The following BCAM variants were observed in gnomAD, a reference collection of about 807,000 sequenced individuals.
BCAM encodes the protein basal cell adhesion molecule (Lutheran blood group).
Under a neutral mutation model 72.4 loss-of-function variants are expected in BCAM, and 61 were observed. That is an observed-to-expected ratio of 0.84 (90% CI 0.69 to 1.04). The LOEUF (loss-of-function observed/expected upper bound fraction) is 1.04. Among genes scored for constraint, BCAM ranks in the 50% least tolerant of loss-of-function variants. The probability of loss-of-function intolerance (pLI) is 0.00; values close to 1 mark genes in which losing one functional copy is unlikely to be tolerated. For synonymous variants in BCAM, 408 were observed against 384.2 expected (o/e 1.06, Z -0.73); for missense variants, 909 against 895.0 (o/e 1.02, Z -0.20).
Position 44,809,492 on chromosome 19 carries a change from G to C in BCAM, c.82+286G>C, listed in dbSNP as rs960483. ...TGGGTCCCACCTGCCTCCTCCCTCA[G>C]ACCCTGGAATCTGGGCCCCCAGCCC... On this transcript the variant is annotated intron_variant, in intron 1 of 14. Coordinates refer to ENST00000270233, the MANE Select transcript of BCAM (RefSeq NM_005581.5). 8.0e-3 allele frequency among the ~76,000 whole-genome samples: 1,218 copies of C among 152,136 alleles called. 4 individuals are homozygous for C. The highest frequency in any genetic ancestry group is 0.014 in the Non-Finnish European group (947 of 67,970).
rs748007401 is a variant in BCAM at position 44,812,005 on chromosome 19, G to T, written c.205-158G>T. 4.3e-6 allele frequency: 3 copies of T among 695,504 alleles called. No individual in the cohort carries two copies. The highest frequency in any genetic ancestry group is 7.3e-6 in the Non-Finnish European group (3 of 411,836). The allele number at this position is 695,504 out of a possible 1,614,324, so 43.1% of individuals were successfully genotyped here. A position where few individuals can be genotyped will look rare whatever the true frequency, so the allele number is the denominator to read the frequency against. Reference sequence around the variant, plus strand: ...GAAAAATCAAGAACTGATAGGGAATGGGGGCAGGAGAAGGTGGGGAGGGAC... The same window carrying T: ...GAAAAATCAAGAACTGATAGGGAATTGGGGCAGGAGAAGGTGGGGAGGGAC... On this transcript the variant is annotated intron_variant, in intron 2 of 14. Transcript: ENST00000270233. The surrounding 1 kb of genome is among the most constrained non-coding windows in gnomAD (Gnocchi z 5.3).
chr19:44,821,006 C>CCTTCCCT lies in BCAM; in HGVS notation c.*102_*108dup, dbSNP rs573959550. The CCTTCCCT allele has an allele frequency of 1.3e-5, 19 of 1,427,410 alleles. No homozygotes were observed. The highest frequency in any genetic ancestry group is 2.7e-5 in the Admixed American group (1 of 37,048). The allele number at this position is 1,427,410 out of a possible 1,614,324, so 88.4% of individuals were successfully genotyped here. On this transcript the variant is annotated 3_prime_UTR_variant, in exon 15 of 15. Transcript: ENST00000270233. ...CCTGCTCACGCCATGCCCGCCCCCG[C>CCTTCCCT]CTTCCCTCTTCCCTCTTCCCTCTCC...
Position 44,813,726 on chromosome 19 carries a change from ACTTCATGCT to A in BCAM, c.784+107_784+115del. The A allele has an allele frequency of 7.1e-7, 1 of 1,417,318 alleles. No individual in the cohort carries two copies. The highest frequency in any genetic ancestry group is 9.4e-7 in the Non-Finnish European group (1 of 1,059,672). The allele number at this position is 1,417,318 out of a possible 1,614,324, so 87.8% of individuals were successfully genotyped here. A position where few individuals can be genotyped will look rare whatever the true frequency, so the allele number is the denominator to read the frequency against. Reference sequence around the variant, plus strand: ...CTCCCCTCTGACCCTCTGCCTCCCTACTTCATGCTAAAAAAAAATGTGCTAGTGCTGGCC... The same window carrying A: ...CTCCCCTCTGACCCTCTGCCTCCCTAAAAAAAAAATGTGCTAGTGCTGGCC... On this transcript the variant is annotated intron_variant, in intron 6 of 14. Transcript: ENST00000270233. This position sits in a 1 kb window ranked among gnomAD's most constrained non-coding sequence, Gnocchi z 4.2.
intron 1 of BCAM, among the ~76,000 whole-genome samples, chr19:44,810,232 C>T (rs1968399217): frequency 6.6e-6 from 1 of 152,148 alleles, no homozygotes; most frequent in Non-Finnish European, 1.5e-5. Context: ...GCCTCCTCTT[C>T]CCTCTGATCC....
In BCAM at chr19:44,812,483, C is replaced by T. The variant is rs546628999; in HGVS notation, c.439C>T (p.Pro147Ser). 10 of 1,614,216 alleles carry T rather than the reference C, an allele frequency of 6.2e-6. No individual in the cohort carries two copies. In the South Asian group the frequency reaches 7.7e-5, roughly 12 times the overall value. Residue 147 changes from proline to serine, a missense_variant, in exon 4 of 15, where the codon CCA becomes TCA. Coordinates refer to ENST00000270233, the MANE Select transcript of BCAM (RefSeq NM_005581.5). This position sits in a 1 kb window ranked among gnomAD's most constrained non-coding sequence, Gnocchi z 5.3. The part of the protein sequence containing the change: ...ATARLNVFAK[P>S]EATEVSPNKG... The stretch of plus-strand genomic sequence containing the variant: ...CGTGAACGTCTTTTTCACAGCAAAG[C>T]CAGAGGCCACTGAGGTCTCCCCCAA...
At position 44,811,361 on chromosome 19, in the gene BCAM, C is replaced by A. The variant is rs143873374; in HGVS notation, c.204+15C>A. 107 of 1,611,546 alleles carry A rather than the reference C, an allele frequency of 6.6e-5. No individual in the cohort carries two copies. In the African/African-American group the frequency reaches 1.3e-3, roughly 20 times the overall value. ...AATGGTTCCTTGTGAGTGCTTGGGG[C>A]TGGGGGGCCTGGAGTCAGGGCACAG... On this transcript the variant is annotated intron_variant, in intron 2 of 14. Transcript: ENST00000270233.
At position 44,813,456 on chromosome 19, in the gene BCAM, G is replaced by C; in HGVS notation, c.620G>C (p.Arg207Pro). 1 of 1,611,032 alleles carries C rather than the reference G, an allele frequency of 6.2e-7. No individual in the cohort carries two copies. Among genetic ancestry groups the C allele is most frequent in the Non-Finnish European group, 8.5e-7 (1 of 1,179,534 alleles). Residue 207 changes from arginine to proline, a missense_variant, in exon 6 of 15, where the codon CGC (arginine) becomes CCC (proline). By Grantham distance (103) the Arg-to-Pro change is moderately radical. Transcript: ENST00000270233. This position sits in a 1 kb window ranked among gnomAD's most constrained non-coding sequence, Gnocchi z 4.2. Reference sequence around the variant, plus strand: ...CTCCCAGAGGGCTACATGACCAGCCGCACGGTCCGGGAGGCCTCGGGCCTG... The same window carrying C: ...CTCCCAGAGGGCTACATGACCAGCCCCACGGTCCGGGAGGCCTCGGGCCTG... ...EMNPEGYMTS[R>P]TVREASGLLS...
rs1431546782 is a variant in BCAM at position 44,813,798 on chromosome 19, C to T, written c.784+178C>T. 9 of 944,448 alleles carry T rather than the reference C, an allele frequency of 9.5e-6. No individual in the cohort carries two copies. Among genetic ancestry groups the T allele is most frequent in the Non-Finnish European group, 1.2e-5 (8 of 650,952 alleles). The allele number at this position is 944,448 out of a possible 1,614,324, so 58.5% of individuals were successfully genotyped here. On this transcript the variant is annotated intron_variant, in intron 6 of 14. Coordinates refer to ENST00000270233, the MANE Select transcript of BCAM (RefSeq NM_005581.5). This position sits in a 1 kb window ranked among gnomAD's most constrained non-coding sequence, Gnocchi z 4.2. ...CCTCAATTGGTCGCACAAGCCCCAT[C>T]CTGACCTCTGACCTCCGACCTCCAC...
At position 44,819,208 on chromosome 19, in the gene BCAM, C is replaced by T. The variant is rs754754353; in HGVS notation, c.1473+16C>T. ...GGGGGGCAGCGTAAGGGACCTTCCT[C>T]TCCACCCTGAGCCCCCTCTCACTCA... On this transcript the variant is annotated intron_variant, in intron 11 of 14. Coordinates refer to ENST00000270233, the MANE Select transcript of BCAM (RefSeq NM_005581.5). The T allele has an allele frequency of 9.9e-6, 16 of 1,613,732 alleles. No homozygotes were observed. In the South Asian group the frequency reaches 1.8e-4, roughly 18 times the overall value.
Position 44,813,166 on chromosome 19 carries a change from C to A in BCAM, c.505-84C>A, listed in dbSNP as rs372019933. 1.8e-3 allele frequency: 2,690 copies of A among 1,469,152 alleles called. 2 individuals are homozygous for A. The highest frequency in any genetic ancestry group is 2.4e-3 in the Non-Finnish European group (2,562 of 1,067,280). The allele number at this position is 1,469,152 out of a possible 1,614,324, so 91.0% of individuals were successfully genotyped here. A position where few individuals can be genotyped will look rare whatever the true frequency, so the allele number is the denominator to read the frequency against. Reference sequence around the variant, plus strand: ...GGAGTTAGGAGCCCGGCTCATGAGTCTGAGTGGGGAGAACTCCTGAGAGAG... The same window carrying A: ...GGAGTTAGGAGCCCGGCTCATGAGTATGAGTGGGGAGAACTCCTGAGAGAG... On this transcript the variant is annotated intron_variant, in intron 4 of 14. Transcript: ENST00000270233. The surrounding 1 kb of genome is among the most constrained non-coding windows in gnomAD (Gnocchi z 4.2).
At chr19:44,811,392 C>A in intron 2 of BCAM, 46 bp downstream of exon 2, 2 of 1,609,512 alleles carry the variant, frequency 1.2e-6, no homozygotes, top group Non-Finnish European at 1.7e-6. Flanking sequence ...CACAGCAGGG[C>A]AGCAAAGGTT....
At chr19:44,819,304 C>T (rs1226995133) in intron 11 of BCAM, 42 bp from the exon 12 acceptor site, 1 of 1,613,210 alleles carries the variant, frequency 6.2e-7, no homozygotes, top group South Asian at 1.1e-5. Flanking sequence ...TTGACCCCAC[C>T]CCTTGACCCC....
intron 13 of BCAM, 29 bp downstream of exon 13, chr19:44,819,755 C>A: frequency 6.4e-7 from 1 of 1,567,222 alleles, no homozygotes; most frequent in South Asian, 1.2e-5. Context: ...GCAATGACCA[C>A]CATAGCTTAA....
chr19:44,818,540 T>C lies in BCAM; in HGVS notation c.1097T>C (p.Leu366Pro), dbSNP rs2122565933. Residue 366 changes from leucine (L) to proline (P), a missense_variant, in exon 9 of 15, where the codon CTC becomes CCC. Physicochemically the swap from Leu to Pro is moderately conservative, Grantham distance 98. Transcript: ENST00000270233. This position sits in a 1 kb window ranked among gnomAD's most constrained non-coding sequence, Gnocchi z 4.6. Reference protein sequence around the residue: ...LRVAYLDPLELSEGKVLSLPL... With the variant: ...LRVAYLDPLEPSEGKVLSLPL... ...ACTGCAGATCTGGACCCCCTGGAGCTCAGCGAGGGGAAGGTGCTTTCCTTA... is the reference window on the plus strand; with the variant it reads ...ACTGCAGATCTGGACCCCCTGGAGCCCAGCGAGGGGAAGGTGCTTTCCTTA... The C allele has an allele frequency of 1.2e-6, 2 of 1,613,876 alleles. No homozygotes were observed. Among genetic ancestry groups the C allele is most frequent in the East Asian group, 2.2e-5 (1 of 44,878 alleles).
Position 44,813,507 on chromosome 19 carries a change from T to G in BCAM, c.671T>G (p.Leu224Arg). Reference sequence around the variant, plus strand: ...CTCTCCCTCACCAGCACCCTCTACCTGCGGCTCCGCAAGGATGACCGAGAC... The same window carrying G: ...CTCTCCCTCACCAGCACCCTCTACCGGCGGCTCCGCAAGGATGACCGAGAC... ...GLLSLTSTLYLRLRKDDRDAS... is the reference protein window; with the variant it reads ...GLLSLTSTLYRRLRKDDRDAS... Residue 224 changes from leucine (L) to arginine (R), a missense_variant, in exon 6 of 15, where the codon CTG (leucine) becomes CGG (arginine). Leu to Arg is a moderately radical substitution (Grantham distance 102). Coordinates refer to ENST00000270233, the MANE Select transcript of BCAM (RefSeq NM_005581.5). This position sits in a 1 kb window ranked among gnomAD's most constrained non-coding sequence, Gnocchi z 4.2. The G allele has an allele frequency of 1.2e-6, 2 of 1,612,620 alleles. No homozygotes were observed. Among genetic ancestry groups the G allele is most frequent in the Non-Finnish European group, 1.7e-6 (2 of 1,179,914 alleles).
At chr19:44,816,367 C>T (rs1052663418) in intron 8 of BCAM, among the ~76,000 whole-genome samples, 6 of 152,172 alleles carry the variant, frequency 3.9e-5, no homozygotes, top group South Asian at 4.1e-4. Flanking sequence ...TACTTGGAAT[C>T]CAGGATGGCC....
rs150054323 is a variant in BCAM, at chr19:44,818,875, G to A, written c.1329G>A (p.Leu443=). The A allele has an allele frequency of 2.6e-5, 42 of 1,613,886 alleles. No individual in the cohort carries two copies. The highest frequency in any genetic ancestry group is 3.6e-5 in the Non-Finnish European group (42 of 1,179,904). ...GCCGCACCCAGAACTTCACGCTGCT[G>A]GTCCAAGGTTCAGGGGGCAGGGAGG... is the stretch of plus-strand genomic sequence containing the variant. The part of the protein sequence containing the change: ...VLSRTQNFTL[L]VQGSPELKTA... The change falls in exon 10 of 15, where the codon CTG becomes CTA. Residue 443 remains leucine (L), a synonymous_variant. Coordinates refer to ENST00000270233, the MANE Select transcript of BCAM (RefSeq NM_005581.5). This position sits in a 1 kb window ranked among gnomAD's most constrained non-coding sequence, Gnocchi z 4.6.
Position 44,818,458 on chromosome 19 carries a change from C to A in BCAM, c.1079-64C>A. ...TTCATGTTTGCACCCCCGACCGCCC[C>A]TGGAGAGCCCCTAATTGAGTGGGTG... On this transcript the variant is annotated intron_variant, in intron 8 of 14. Coordinates refer to ENST00000270233, the MANE Select transcript of BCAM (RefSeq NM_005581.5). This position sits in a 1 kb window ranked among gnomAD's most constrained non-coding sequence, Gnocchi z 4.6. The A allele has an allele frequency of 7.1e-7, 1 of 1,414,972 alleles. No homozygotes were observed. The highest frequency in any genetic ancestry group is 9.9e-7 in the Non-Finnish European group (1 of 1,010,640). 87.7% of individuals were successfully genotyped at this position (1,414,972 alleles called of 1,614,324 possible).
In BCAM at chr19:44,818,637, G is replaced by T; in HGVS notation, c.1194G>T (p.Lys398Asn). Residue 398 changes from lysine (K) to asparagine (N), a missense_variant and splice_region_variant, in exon 9 of 15, where the codon AAG (lysine) becomes AAT (asparagine). Physicochemically the swap from Lys to Asn is moderately conservative, Grantham distance 94. Transcript: ENST00000270233. The surrounding 1 kb of genome is among the most constrained non-coding windows in gnomAD (Gnocchi z 4.6). ...GLPTPALRWT[K>N]DSTPLGDGPM... is the part of the protein sequence containing the mutation. ...CCACCCCTGCCCTACGCTGGACCAA[G>T]GTGAGAGGGAGAGGAGCCCCCTCGG... The T allele has an allele frequency of 6.2e-7, 1 of 1,613,268 alleles. No homozygotes were observed. Among genetic ancestry groups the T allele is most frequent in the Non-Finnish European group, 8.5e-7 (1 of 1,179,376 alleles).
Sources: allele counts gnomAD v4.1 joint callset (sites outside exome capture counted in the v4.1 genomes callset), GRCh38; gene constraint gnomAD v4.1.1; non-coding constraint Gnocchi (gnomAD v3.1); transcripts MANE v1.5; gene names NCBI Gene and HGNC (gene_info 2026-07-23, HGNC 2026-07-21).